CCDC171: variants seen among roughly 807,000 people sequenced by gnomAD.
CCDC171 encodes coiled-coil domain-containing protein 171.
Under a neutral mutation model 168.2 loss-of-function variants are expected in CCDC171, and 177 were observed. The ratio of observed to expected loss-of-function variants is 1.05; its 90% confidence interval spans 0.93 to 1.19. CCDC171 has a LOEUF of 1.19. Ranked by LOEUF, CCDC171 falls within the 50% of genes most tolerant of loss-of-function variation. The probability of loss-of-function intolerance (pLI) is 0.00; values close to 1 mark genes in which losing one functional copy is unlikely to be tolerated. For missense variants in CCDC171, 1,991 were observed against 1,539.0 expected (o/e 1.29, Z -4.91); for synonymous variants, 687 against 540.8 (o/e 1.27, Z -3.75).
At chr9:15,919,954 A>G (rs561464864) in intron 24 of CCDC171, among the ~76,000 whole-genome samples, 12 of 151,780 alleles carry the variant, frequency 7.9e-5, no homozygotes, top group Admixed American at 7.9e-4. Context: ...GTCAAATTAC[A>G]ACTTGAATTT....
rs571525791 is a variant in CCDC171 at position 15,764,353 on chromosome 9, T to C, written c.2672-13247T>C. Among the ~76,000 whole-genome samples, 460 of 152,334 alleles carry C rather than the reference T, an allele frequency of 3.0e-3. 1 individual carries two copies. The highest frequency in any genetic ancestry group is 5.7e-3 in the Non-Finnish European group (387 of 68,036). On this transcript the variant is annotated intron_variant, in intron 18 of 25. Transcript: ENST00000380701. ...TATCAGTAGTTAAAGGTGTAGGTAG[T>C]AAGGGTGCAGTGTTCTAAGATGAGG...
chr9:15,902,959 C>T (rs1425736526), intron 24 of CCDC171, among the ~76,000 whole-genome samples: 2 of 152,216 alleles, frequency 1.3e-5, no homozygotes, highest in Non-Finnish European at 2.9e-5. Context: ...TGAGATCAAA[C>T]TGCAAGGCGG....
intron 3 of CCDC171, among the ~76,000 whole-genome samples, chr9:15,983,086 C>G (rs1426183308): frequency 1.3e-5 from 2 of 152,122 alleles, no homozygotes; most frequent in Non-Finnish European, 2.9e-5. Flanking sequence ...TCTTGAAGCT[C>G]CTATTCTAGC....
At chr9:16,014,197 C>T (rs897473884) in intron 3 of CCDC171, among the ~76,000 whole-genome samples, 33 of 152,246 alleles carry the variant, frequency 2.2e-4, no homozygotes, top group African/African-American at 7.5e-4. Context: ...GCAACATTCA[C>T]AGCATCTTCA....
chr9:16,103,021 T>A, the CCDC171 span, among the ~76,000 whole-genome samples: 1 of 152,214 alleles, frequency 6.6e-6, no homozygotes, highest in Non-Finnish European at 1.5e-5. Flanking sequence ...GCACAGGTAA[T>A]GCAATTGCTC....
chr9:15,705,449 C>T (rs1293321677), intron 11 of CCDC171, among the ~76,000 whole-genome samples: 2 of 152,156 alleles, frequency 1.3e-5, no homozygotes, highest in Non-Finnish European at 2.9e-5. Context: ...ATGTTTGGGC[C>T]ACTCTAGCTT....
chr9:15,585,698 C>G (rs1200185803), intron 4 of CCDC171, among the ~76,000 whole-genome samples: 3 of 152,166 alleles, frequency 2.0e-5, no homozygotes, highest in Admixed American at 1.3e-4. Flanking sequence ...CATAAAATCT[C>G]TTTGAACATT....
chr9:15,752,354 G>C lies in CCDC171; in HGVS notation c.2671+6723G>C, dbSNP rs368432328. Among the ~76,000 whole-genome samples, 133 of 152,232 alleles carry C rather than the reference G, an allele frequency of 8.7e-4. 1 individual carries two copies. Among genetic ancestry groups the C allele is most frequent in the African/African-American group, 3.0e-3 (126 of 41,538 alleles). ...GAAGACAGTTTGGCAATTCCTCAAG[G>C]ATCTAGAACTAGAAATACCATTTGA... On this transcript the variant is annotated intron_variant, in intron 18 of 25. Transcript: ENST00000380701.
intron 24 of CCDC171, among the ~76,000 whole-genome samples, chr9:15,917,434 A>C (rs996424133): frequency 6.6e-6 from 1 of 151,568 alleles, no homozygotes; most frequent in Non-Finnish European, 1.5e-5. Flanking sequence ...GAGAGTTGGA[A>C]TGTTTAAGAT....
downstream of CCDC171, among the ~76,000 whole-genome samples, chr9:15,976,728 T>C (rs746617815): frequency 3.4e-4 from 52 of 151,814 alleles, no homozygotes; most frequent in Non-Finnish European, 7.1e-4. Context: ...TGGTCATTTC[T>C]CCCTGCCTTT....
chr9:15,567,146 C>T (rs796989602), intron 2 of CCDC171, among the ~76,000 whole-genome samples: 19 of 151,850 alleles, frequency 1.3e-4, no homozygotes, highest in African/African-American at 2.7e-4. Context: ...CTCAACCTCC[C>T]GAGTAGCTGG....
intron 3 of CCDC171, among the ~76,000 whole-genome samples, chr9:16,013,862 A>G (rs1180533057): frequency 1.3e-5 from 2 of 152,232 alleles, no homozygotes; most frequent in East Asian, 1.9e-4. Context: ...CTTGTAAAAC[A>G]AATACTAACA....
At chr9:15,676,055 G>A (rs1202736255) in intron 9 of CCDC171, among the ~76,000 whole-genome samples, 3 of 152,126 alleles carry the variant, frequency 2.0e-5, no homozygotes, top group African/African-American at 7.2e-5. Context: ...AGACTTCTTG[G>A]AGGCCTTGTT....
intron 16 of CCDC171, among the ~76,000 whole-genome samples, chr9:15,743,291 G>A (rs1046463774): frequency 5.3e-5 from 8 of 151,046 alleles, no homozygotes; most frequent in African/African-American, 1.9e-4. Flanking sequence ...TCAGCCTCCC[G>A]AGTAGCTGTA....
In CCDC171 at chr9:16,048,949, CA is replaced by C. The variant is rs34680045; in HGVS notation, n.89+6077del. On this transcript the variant is annotated intron_variant and non_coding_transcript_variant, in intron 1 of 1. Coordinates refer to the CCDC171 transcript ENST00000478913. ...TGGTGCCAATCATAATATAGAAAGA[CA>C]AAAAAAAAAAAAACCCAAACACCAT... Among the ~76,000 whole-genome samples the C allele has an allele frequency of 5.5e-3, 757 of 137,186 alleles. 4 individuals carry two copies. The highest frequency in any genetic ancestry group is 0.017 in the African/African-American group (603 of 36,320). 90.0% of individuals were successfully genotyped at this position (137,186 alleles called of 152,430 possible). A position where few individuals can be genotyped will look rare whatever the true frequency, so the allele number is the denominator to read the frequency against.
intron 24 of CCDC171, among the ~76,000 whole-genome samples, chr9:15,906,895 C>T (rs2131742161): frequency 6.6e-6 from 1 of 151,980 alleles, no homozygotes; most frequent in South Asian, 2.1e-4. Flanking sequence ...AAGCAGACAT[C>T]CAAATCATGA....
At chr9:15,825,358 C>G (rs2059968198) in intron 21 of CCDC171, among the ~76,000 whole-genome samples, 1 of 152,062 alleles carries the variant, frequency 6.6e-6, no homozygotes, top group East Asian at 1.9e-4. Flanking sequence ...GCTATCACAT[C>G]TTTGGATTCT....
At chr9:15,809,185 A>G (rs2059215775) in intron 21 of CCDC171, among the ~76,000 whole-genome samples, 2 of 152,178 alleles carry the variant, frequency 1.3e-5, no homozygotes, top group South Asian at 2.1e-4. Context: ...TTGGAGTTAG[A>G]TAATAATTGT....
At chr9:15,628,511 A>T (rs894769835) in intron 7 of CCDC171, among the ~76,000 whole-genome samples, 18 of 152,320 alleles carry the variant, frequency 1.2e-4, no homozygotes, top group Middle Eastern at 3.4e-3. Context: ...TGCTTAGGTA[A>T]ACAAAGCAGC....
Sources: allele counts gnomAD v4.1 joint callset (sites outside exome capture counted in the v4.1 genomes callset), GRCh38; gene constraint gnomAD v4.1.1; transcripts MANE v1.5; gene names NCBI Gene and HGNC (gene_info 2026-07-23, HGNC 2026-07-21).